The following ACP7 variants were observed in gnomAD, a reference collection of about 807,000 sequenced individuals.
ACP7 encodes the protein acid phosphatase 7, tartrate resistant (putative).
ACP7 carries 58 observed loss-of-function variants against 60.6 expected under a neutral mutation model. The observed-to-expected ratio is 0.96, with a 90% CI of 0.77 to 1.19. The LOEUF (loss-of-function observed/expected upper bound fraction) is 1.19. Among genes scored for constraint, ACP7 ranks in the 50% most tolerant of loss-of-function variants. The pLI is 0.00. For synonymous variants in ACP7, 237 were observed against 232.6 expected (o/e 1.02, Z -0.17); for missense variants, 574 against 596.2 (o/e 0.96, Z 0.39).
At position 39,100,369 on chromosome 19, in the gene ACP7, G is replaced by A; in HGVS notation, c.629+19G>A. The A allele has an allele frequency of 6.2e-7, 1 of 1,613,290 alleles. No individual in the cohort carries two copies. The highest frequency in any genetic ancestry group is 1.3e-5 in the African/African-American group (1 of 75,030). On this transcript the variant is annotated intron_variant, in intron 5 of 12. Transcript: ENST00000331256. ...AACGCTAGTGAGGACTGAGGGTGGT[G>A]GCGGTGGGCGAGGGCTGGATCAATG...
At chr19:39,107,208 G>A (rs1436835863) in intron 12 of ACP7, 124 bp downstream of exon 12, 13 of 1,087,886 alleles carry the variant, frequency 1.2e-5, no homozygotes, top group Non-Finnish European at 1.4e-5. Context: ...GCAATTTGGT[G>A]GGGCTAAGGT....
At chr19:39,088,913 T>C (rs2073174251) in intron 2 of ACP7, among the ~76,000 whole-genome samples, 1 of 150,876 alleles carries the variant, frequency 6.6e-6, no homozygotes, top group African/African-American at 2.4e-5. Flanking sequence ...GCCTGGCTGA[T>C]TTTTGTATTT....
chr19:39,090,245 T>G (rs2073188887), intron 2 of ACP7, among the ~76,000 whole-genome samples: 1 of 152,144 alleles, frequency 6.6e-6, no homozygotes, highest in Admixed American at 6.6e-5. Context: ...CTCGGCTCAC[T>G]GGAACCTCCA....
At chr19:39,103,318 A>T (rs925706348) in intron 11 of ACP7, among the ~76,000 whole-genome samples, 14 of 152,128 alleles carry the variant, frequency 9.2e-5, no homozygotes, top group African/African-American at 3.1e-4. Flanking sequence ...ATTATCCAAC[A>T]TGAGTGTTAT....
At chr19:39,102,804 T>C (rs1169708721) in intron 11 of ACP7, among the ~76,000 whole-genome samples, 1 of 149,984 alleles carries the variant, frequency 6.7e-6, no homozygotes, top group Non-Finnish European at 1.5e-5. Flanking sequence ...TTTCTTTCTT[T>C]CTTTTCTTCC....
Position 39,110,109 on chromosome 19 carries a change from G to A in ACP7, c.1308G>A (p.Met436Ile). 1 of 1,613,514 alleles carries A rather than the reference G, an allele frequency of 6.2e-7. No individual in the cohort carries two copies. The highest frequency in any genetic ancestry group is 8.5e-7 in the Non-Finnish European group (1 of 1,179,430). ...TGAGACCCCTGTTTGGCCGGAGGAT[G>A]TACCTCTAGGGATGGCGGCAGCTCT... ...WVVRPLFGRR[M>I]YL The change falls in exon 13 of 13, where the codon ATG becomes ATA. Residue 436 changes from methionine (M) to isoleucine (I), a missense_variant. Transcript: ENST00000331256.
At chr19:39,087,714 A>G (rs907711644) in intron 2 of ACP7, among the ~76,000 whole-genome samples, 10 of 151,252 alleles carry the variant, frequency 6.6e-5, no homozygotes, top group Non-Finnish European at 1.3e-4. Flanking sequence ...GCTCACTGCA[A>G]GCTCCACCTC....
chr19:39,107,653 AG>A (rs1215015245), intron 12 of ACP7, among the ~76,000 whole-genome samples: 12 of 150,184 alleles, frequency 8.0e-5, no homozygotes, highest in Middle Eastern at 3.5e-3. Flanking sequence ...TGGGAGGCTG[AG>A]GTGGGCAGAT....
intron 2 of ACP7, among the ~76,000 whole-genome samples, chr19:39,096,355 A>T (rs1364955357): frequency 6.6e-6 from 1 of 152,192 alleles, no homozygotes; most frequent in South Asian, 2.1e-4. Context: ...TCTCCAGGGC[A>T]GGGGCAAAAT....
intron 12 of ACP7, among the ~76,000 whole-genome samples, chr19:39,109,282 G>C (rs1238085794): frequency 6.6e-6 from 1 of 152,110 alleles, no homozygotes. Flanking sequence ...TTATCGAGTG[G>C]CACATGCACC....
intron 2 of ACP7, among the ~76,000 whole-genome samples, chr19:39,085,654 G>A (rs1230162096): frequency 1.3e-5 from 2 of 152,204 alleles, no homozygotes; most frequent in South Asian, 2.1e-4. Context: ...TTGCATCTCT[G>A]TTGTGTTTCC....
chr19:39,105,318 C>G (rs2073400229), intron 11 of ACP7, among the ~76,000 whole-genome samples: 1 of 151,898 alleles, frequency 6.6e-6, no homozygotes. Context: ...CCCGGCGTCT[C>G]TTTCATTCCT....
intron 11 of ACP7, among the ~76,000 whole-genome samples, chr19:39,106,373 T>C (rs2073410736): frequency 6.6e-6 from 1 of 152,138 alleles, no homozygotes; most frequent in Admixed American, 6.6e-5. Context: ...CTGATGGGCG[T>C]TGGGATGGCT....
intron 12 of ACP7, among the ~76,000 whole-genome samples, chr19:39,107,787 G>A (rs143385896): frequency 8.9e-4 from 136 of 152,192 alleles, no homozygotes; most frequent in African/African-American, 2.9e-3. Flanking sequence ...AAGGGAGGTT[G>A]AGGCAGGAGA....
In ACP7 at chr19:39,100,575, T is replaced by G; in HGVS notation, c.630-5T>G. ...CCTCCATCCCTTGTACTTCCTTTATTCCAGCAACTTCTCTAACTACAAGGC... is the reference window on the plus strand; with the variant it reads ...CCTCCATCCCTTGTACTTCCTTTATGCCAGCAACTTCTCTAACTACAAGGC... On this transcript the variant is annotated splice_polypyrimidine_tract_variant and splice_region_variant and intron_variant, in intron 5 of 12. Coordinates refer to ENST00000331256, the MANE Select transcript of ACP7 (RefSeq NM_001004318.3). The G allele has an allele frequency of 6.2e-7, 1 of 1,613,846 alleles. No homozygotes were observed. The highest frequency in any genetic ancestry group is 1.1e-5 in the South Asian group (1 of 91,080).
At chr19:39,102,742 T>TCTTTCTTC (rs2073364925) in intron 11 of ACP7, among the ~76,000 whole-genome samples, 1 of 83,056 alleles carries the variant, frequency 1.2e-5, no homozygotes, top group Non-Finnish European at 2.5e-5. Flanking sequence ...TTTCTTTCTT[T>TCTTTCTTC]CTTTCTTTCT....
chr19:39,105,490 C>T (rs2145037532), intron 11 of ACP7, among the ~76,000 whole-genome samples: 1 of 152,284 alleles, frequency 6.6e-6, no homozygotes, highest in South Asian at 2.1e-4. Flanking sequence ...AAAACAGATA[C>T]TGTGTTCTTC....
Position 39,110,046 on chromosome 19 carries a change from C to T in ACP7, c.1252-7C>T, listed in dbSNP as rs753671918. The T allele has an allele frequency of 6.2e-7, 1 of 1,612,812 alleles. No individual in the cohort carries two copies. Among genetic ancestry groups the T allele is most frequent in the African/African-American group, 1.3e-5 (1 of 74,912 alleles). ...CTAACTACTGTCCCTGTTTTTGTCC[C>T]TCACAGGATGGGAAGATCGTAGATG... On this transcript the variant is annotated splice_polypyrimidine_tract_variant and splice_region_variant and intron_variant, in intron 12 of 12. Transcript: ENST00000331256.
At chr19:39,088,110 C>T (rs567724937) in intron 2 of ACP7, among the ~76,000 whole-genome samples, 3 of 152,188 alleles carry the variant, frequency 2.0e-5, no homozygotes, top group Non-Finnish European at 4.4e-5. Context: ...CAGCCTCTAA[C>T]TTCTGGGCAC....
Sources: gnomAD v4.1 joint callset for allele counts (sites outside exome capture counted in the v4.1 genomes callset) on GRCh38, gnomAD v4.1.1 for gene constraint, MANE v1.5 for transcripts, NCBI Gene and HGNC (gene_info 2026-07-23, HGNC 2026-07-21) for gene names.